The following PIK3C2G variants were observed in gnomAD, a reference collection of about 807,000 sequenced individuals.
The protein encoded by PIK3C2G is phosphatidylinositol-4-phosphate 3-kinase catalytic subunit type 2 gamma, also known as phosphatidylinositol 3-kinase C2 domain-containing subunit gamma.
A neutral mutation model predicts 181.1 loss-of-function variants in PIK3C2G; 168 were observed. The ratio of observed to expected loss-of-function variants is 0.93; its 90% CI spans 0.82 to 1.05. The LOEUF is 1.05. Among genes scored for constraint, PIK3C2G ranks in the 50% least tolerant of loss-of-function variants. The pLI, the probability that PIK3C2G is intolerant of heterozygous loss-of-function variation, is 0.00. For missense variants in PIK3C2G, 1,869 were observed against 1,732.8 expected (o/e 1.08, Z -1.40); for synonymous variants, 573 against 592.2 (o/e 0.97, Z 0.47).
chr12:18,275,695 C>A (rs1948957509), intron 1 of PIK3C2G, among the ~76,000 whole-genome samples: 1 of 152,070 alleles, frequency 6.6e-6, no homozygotes, highest in African/African-American at 2.4e-5. Context: ...TTCTATTTTT[C>A]TTACTCCTGT....
the PIK3C2G span, among the ~76,000 whole-genome samples, chr12:18,674,333 C>G: frequency 1.3e-5 from 2 of 152,260 alleles, no homozygotes; most frequent in East Asian, 3.9e-4. Context: ...ACACTATCCT[C>G]TGGTAACTAT....
At chr12:18,654,858 T>C in the PIK3C2G span, among the ~76,000 whole-genome samples, 2 of 152,096 alleles carry the variant, frequency 1.3e-5, no homozygotes, top group Admixed American at 6.6e-5. Flanking sequence ...CAAGATAAAA[T>C]TTTGAGAGTG....
At chr12:18,711,689 C>T in the PIK3C2G span, among the ~76,000 whole-genome samples, 1 of 151,752 alleles carries the variant, frequency 6.6e-6, no homozygotes, top group Non-Finnish European at 1.5e-5. Flanking sequence ...TGGGGAAGAT[C>T]GTGGCGAGAG....
At chr12:18,608,267 T>C (rs1243343531) in intron 30 of PIK3C2G, among the ~76,000 whole-genome samples, 3 of 152,094 alleles carry the variant, frequency 2.0e-5, no homozygotes, top group Non-Finnish European at 2.9e-5. Context: ...CGTATGTTTA[T>C]TGCGGCACTA....
chr12:18,647,531 A>C (rs533009240), intron 32 of PIK3C2G, among the ~76,000 whole-genome samples: 48 of 152,130 alleles, frequency 3.2e-4, no homozygotes, highest in African/African-American at 1.1e-3. Flanking sequence ...ATTTTTATGA[A>C]TACATAATAG....
At chr12:18,314,351 GA>G (rs879922341) in intron 6 of PIK3C2G, among the ~76,000 whole-genome samples, 42 of 152,224 alleles carry the variant, frequency 2.8e-4, no homozygotes, top group African/African-American at 9.4e-4. Flanking sequence ...ATAGTATTAG[GA>G]AGTGAGGTCT....
chr12:18,451,342 C>T (rs79640877), intron 18 of PIK3C2G, among the ~76,000 whole-genome samples: 10 of 151,954 alleles, frequency 6.6e-5, no homozygotes, highest in South Asian at 2.1e-4. Context: ...GTAGCAATTG[C>T]GAGTGGGAGT....
intron 32 of PIK3C2G, among the ~76,000 whole-genome samples, chr12:18,642,581 T>A (rs965403351): frequency 6.6e-6 from 1 of 152,132 alleles, no homozygotes; most frequent in African/African-American, 2.4e-5. Context: ...GAGACTGACC[T>A]CAGATGTGAA....
At chr12:18,444,327 AT>A (rs1946908349) in intron 18 of PIK3C2G, among the ~76,000 whole-genome samples, 1 of 152,224 alleles carries the variant, frequency 6.6e-6, no homozygotes, top group East Asian at 1.9e-4. Context: ...GAAATCCTGT[AT>A]CATATTTTGT....
At chr12:18,589,676 G>A (rs1946971868) in intron 29 of PIK3C2G, among the ~76,000 whole-genome samples, 1 of 151,966 alleles carries the variant, frequency 6.6e-6, no homozygotes, top group Admixed American at 6.6e-5. Flanking sequence ...AGGGAACACA[G>A]ATACCAATTC....
chr12:18,349,020 A>G (rs1276858258), intron 11 of PIK3C2G, among the ~76,000 whole-genome samples: 1 of 152,146 alleles, frequency 6.6e-6, no homozygotes, highest in Non-Finnish European at 1.5e-5. Context: ...CTTGCCACAG[A>G]GTTTTCAACA....
chr12:18,410,285 A>G (rs117550620), intron 16 of PIK3C2G, among the ~76,000 whole-genome samples: 2,312 of 152,166 alleles, frequency 0.015, 27 homozygotes, highest in Non-Finnish European at 0.025. Context: ...TTGGCAGATC[A>G]TCTGAGGTCA....
At chr12:18,327,975 G>A (rs1423279561) in intron 8 of PIK3C2G, among the ~76,000 whole-genome samples, 1 of 151,878 alleles carries the variant, frequency 6.6e-6, no homozygotes, top group Non-Finnish European at 1.5e-5. Flanking sequence ...ATCAACTTCT[G>A]ATTTAAAATC....
At chr12:18,244,088 T>TA, upstream of PIK3C2G, among the ~76,000 whole-genome samples, 1 of 151,998 alleles carries the variant, frequency 6.6e-6, no homozygotes, top group Non-Finnish European at 1.5e-5. Flanking sequence ...AAATAGTGAT[T>TA]AAAAATACAT....
intron 31 of PIK3C2G, among the ~76,000 whole-genome samples, chr12:18,633,793 A>G (rs913675119): frequency 6.6e-6 from 1 of 152,122 alleles, no homozygotes; most frequent in Non-Finnish European, 1.5e-5. Flanking sequence ...ATTCAATTCA[A>G]TGCAATCATT....
intron 1 of PIK3C2G, among the ~76,000 whole-genome samples, chr12:18,274,837 C>T (rs889194817): frequency 2.0e-5 from 3 of 152,072 alleles, no homozygotes; most frequent in Admixed American, 6.6e-5. Flanking sequence ...ATTTTCATGT[C>T]CTCCACCTTT....
At chr12:18,363,027 G>T in intron 12 of PIK3C2G, 141 bp downstream of exon 12, 1 of 559,854 alleles carries the variant, frequency 1.8e-6, no homozygotes. Flanking sequence ...AGTACACTAG[G>T]GCTAATAGAT....
chr12:18,665,722 G>A, the PIK3C2G span, among the ~76,000 whole-genome samples: 51 of 152,088 alleles, frequency 3.4e-4, no homozygotes, highest in African/African-American at 9.9e-4. Context: ...GGATCACGAG[G>A]TCAGGAGATC....
chr12:18,357,670 C>A (rs1305229251), intron 11 of PIK3C2G, among the ~76,000 whole-genome samples: 1 of 152,080 alleles, frequency 6.6e-6, no homozygotes, highest in Non-Finnish European at 1.5e-5. Flanking sequence ...ATGAAATCTA[C>A]CCTACTAAAA....
Sources: allele counts gnomAD v4.1 joint callset (sites outside exome capture counted in the v4.1 genomes callset), GRCh38; gene constraint gnomAD v4.1.1; transcripts MANE v1.5; gene names NCBI Gene and HGNC (gene_info 2026-07-23, HGNC 2026-07-21).